CADPS: variants seen among roughly 807,000 people sequenced by gnomAD.
The protein encoded by CADPS is calcium-dependent secretion activator 1.
CADPS carries 57 observed loss-of-function variants against 167.3 expected under a neutral mutation model. The ratio of observed to expected loss-of-function variants is 0.34; its 90% confidence interval spans 0.28 to 0.42. The LOEUF (loss-of-function observed/expected upper bound fraction) is 0.42, where lower values mean the gene tolerates loss of function less well. Ranked by LOEUF, CADPS falls within the 20% of genes least tolerant of loss-of-function variation. The pLI is 1.00. For missense variants in CADPS, 1,414 were observed against 1,738.1 expected (o/e 0.81, Z 3.32); for synonymous variants, 676 against 635.3 (o/e 1.06, Z -0.96).
chr3:62,426,472 A>G (rs2052711578), intron 28 of CADPS, among the ~76,000 whole-genome samples: 1 of 152,166 alleles, frequency 6.6e-6, no homozygotes, highest in Non-Finnish European at 1.5e-5. Flanking sequence ...TTACACCACT[A>G]CCACTACTGA....
At chr3:62,574,497 T>C (rs1482356292) in intron 8 of CADPS, among the ~76,000 whole-genome samples, 1 of 152,164 alleles carries the variant, frequency 6.6e-6, no homozygotes, top group Non-Finnish European at 1.5e-5. Context: ...GATAAGTTTA[T>C]CAACCTTGTG....
At chr3:62,683,994 T>A (rs2077558684) in intron 3 of CADPS, among the ~76,000 whole-genome samples, 1 of 152,068 alleles carries the variant, frequency 6.6e-6, no homozygotes, top group South Asian at 2.1e-4. Flanking sequence ...TTTCCAGATT[T>A]CTTTACTGTA....
In CADPS at chr3:62,465,316, G is replaced by T. The variant is rs766790318; in HGVS notation, c.3636+51C>A. On this transcript the variant is annotated intron_variant, in intron 26 of 29. Transcript: ENST00000383710. The surrounding 1 kb of genome is among the most constrained non-coding windows in gnomAD (Gnocchi z 4.1). ...CACAACATAACTCCTCTCCCAAGCC[G>T]AAACCAAAAATTAAAACAAAAGCCA... is the stretch of plus-strand genomic sequence containing the variant. The T allele has an allele frequency of 1.4e-6, 2 of 1,437,746 alleles. No individual in the cohort carries two copies. Among genetic ancestry groups the T allele is most frequent in the East Asian group, 4.6e-5 (2 of 43,680 alleles). 89.1% of individuals were successfully genotyped at this position (1,437,746 alleles called of 1,614,324 possible).
chr3:62,670,924 G>A (rs576371348), intron 3 of CADPS, among the ~76,000 whole-genome samples: 1 of 152,164 alleles, frequency 6.6e-6, no homozygotes, highest in African/African-American at 2.4e-5. Context: ...CTTTCTATGT[G>A]CCCTGTGCCT....
chr3:62,399,297 T>C lies in CADPS; in HGVS notation c.*109A>G. On this transcript the variant is annotated 3_prime_UTR_variant, in exon 30 of 30. Transcript: ENST00000383710. This position sits in a 1 kb window ranked among gnomAD's most constrained non-coding sequence, Gnocchi z 5.6. The stretch of plus-strand genomic sequence containing the variant: ...AAAATGGCAGTTGTATTGATAAACA[T>C]CTCATGGGCATGGTAGTTGACAGAA... 8.0e-6 allele frequency: 8 copies of C among 994,598 alleles called. No individual in the cohort carries two copies. The highest frequency in any genetic ancestry group is 4.6e-6 in the Non-Finnish European group (3 of 658,916). 61.6% of individuals were successfully genotyped at this position (994,598 alleles called of 1,614,324 possible).
Position 62,544,855 on chromosome 3 carries a change from T to C in CADPS, c.1966+5048A>G. 8.0e-7 allele frequency: 1 copy of C among 1,247,558 alleles called. No homozygotes were observed. Among genetic ancestry groups the C allele is most frequent in the Non-Finnish European group, 1.0e-6 (1 of 969,054 alleles). The allele number at this position is 1,247,558 out of a possible 1,614,324, so 77.3% of individuals were successfully genotyped here. On this transcript the variant is annotated intron_variant, in intron 11 of 29. Transcript: ENST00000383710. This position sits in a 1 kb window ranked among gnomAD's most constrained non-coding sequence, Gnocchi z 4.4. Reference sequence around the variant, plus strand: ...CTATAGGGGAGCACTTACCCTTCAGTCCAGCTAGAAGTTAGCAGGGTAAGA... The same window carrying C: ...CTATAGGGGAGCACTTACCCTTCAGCCCAGCTAGAAGTTAGCAGGGTAAGA...
intron 6 of CADPS, among the ~76,000 whole-genome samples, chr3:62,626,989 TG>T (rs927070463): frequency 6.6e-6 from 1 of 152,166 alleles, no homozygotes; most frequent in Non-Finnish European, 1.5e-5. Context: ...AGTAGATATA[TG>T]TCCTAATTCT....
At chr3:62,634,959 C>G (rs1388677587) in intron 6 of CADPS, among the ~76,000 whole-genome samples, 2 of 152,180 alleles carry the variant, frequency 1.3e-5, no homozygotes, top group African/African-American at 4.8e-5. Flanking sequence ...ATGCACTTCT[C>G]TCTGTGATTT....
chr3:62,400,055 T>A (rs1357258236), intron 29 of CADPS, among the ~76,000 whole-genome samples: 2 of 152,352 alleles, frequency 1.3e-5, no homozygotes, highest in Non-Finnish European at 2.9e-5. Flanking sequence ...TGTACTGATA[T>A]CCCTCTGTCT....
rs148300957 is a variant in CADPS, at chr3:62,841,449, C to T, written c.441+33140G>A. On this transcript the variant is annotated intron_variant, in intron 1 of 29. Transcript: ENST00000383710. ...TTCATATTAAAGCTGGGCATGATGG[C>T]TCATGCCTGTAATCCCAGCACTTTG... Among the ~76,000 whole-genome samples, 191 of 152,312 alleles carry T rather than the reference C, an allele frequency of 1.3e-3. 2 individuals are homozygous for T. The East Asian group carries it at 0.032, about 26-fold the overall frequency.
intron 28 of CADPS, among the ~76,000 whole-genome samples, chr3:62,425,509 T>C (rs891627937): frequency 3.3e-5 from 5 of 152,216 alleles, no homozygotes; most frequent in African/African-American, 1.2e-4. Context: ...GAATATTTAA[T>C]GTACAACTGG....
At chr3:62,509,664 C>G (rs538997163) in intron 17 of CADPS, among the ~76,000 whole-genome samples, 1 of 152,298 alleles carries the variant, frequency 6.6e-6, no homozygotes, top group Non-Finnish European at 1.5e-5. Context: ...AGTTCTTGGA[C>G]AACCTTGGGG....
intron 28 of CADPS, among the ~76,000 whole-genome samples, chr3:62,405,905 AC>A (rs2149127150): frequency 6.6e-6 from 1 of 152,298 alleles, no homozygotes; most frequent in South Asian, 2.1e-4. Context: ...GTCGGAAAAA[AC>A]AGGAGGCAAT....
intron 8 of CADPS, among the ~76,000 whole-genome samples, chr3:62,578,783 G>T (rs547851039): frequency 7.2e-5 from 11 of 152,240 alleles, no homozygotes; most frequent in Admixed American, 3.9e-4. Context: ...TAAGGATATA[G>T]ATTCTTTGAA....
chr3:62,582,406 G>C (rs547533921), intron 8 of CADPS, among the ~76,000 whole-genome samples: 11 of 152,114 alleles, frequency 7.2e-5, no homozygotes, highest in Non-Finnish European at 1.6e-4. Context: ...AGATCACACC[G>C]CTGCACTCCA....
chr3:62,583,292 A>G (rs890550157), intron 8 of CADPS, among the ~76,000 whole-genome samples: 8 of 151,974 alleles, frequency 5.3e-5, no homozygotes, highest in Non-Finnish European at 1.0e-4. Flanking sequence ...TCTCTTGTGT[A>G]CTACAGAAAC....
intron 6 of CADPS, among the ~76,000 whole-genome samples, chr3:62,606,263 T>A (rs954082880): frequency 1.3e-5 from 2 of 152,156 alleles, no homozygotes; most frequent in African/African-American, 4.8e-5. Context: ...TAATCTCCAA[T>A]ATGACAGTAT....
chr3:62,830,091 A>G (rs77994365), intron 1 of CADPS, among the ~76,000 whole-genome samples: 2 of 152,272 alleles, frequency 1.3e-5, no homozygotes, highest in African/African-American at 4.8e-5. Context: ...GCTTAGCTCT[A>G]TGAAGACTCC....
chr3:62,441,487 A>G (rs997958371), intron 27 of CADPS, among the ~76,000 whole-genome samples: 2 of 152,202 alleles, frequency 1.3e-5, no homozygotes, highest in African/African-American at 4.8e-5. Flanking sequence ...ATGGGTCAAA[A>G]ACTACATCTA....
Sources: allele counts gnomAD v4.1 joint callset (sites outside exome capture counted in the v4.1 genomes callset), GRCh38; gene constraint gnomAD v4.1.1; non-coding constraint Gnocchi (gnomAD v3.1); transcripts MANE v1.5; gene names NCBI Gene and HGNC (gene_info 2026-07-23, HGNC 2026-07-21).